The following COG4 variants were observed in gnomAD, a reference collection of about 807,000 sequenced individuals.
The protein encoded by COG4 is component of oligomeric golgi complex 4.
Under a neutral mutation model 95.1 loss-of-function variants are expected in COG4, and 65 were observed. That is an observed-to-expected ratio of 0.68 (90% CI 0.56 to 0.84). COG4 has a LOEUF of 0.84. Among genes scored for constraint, COG4 ranks in the 40% least tolerant of loss-of-function variants. The probability of loss-of-function intolerance (pLI) is 0.00; values close to 1 mark genes in which losing one functional copy is unlikely to be tolerated. For synonymous variants in COG4, 421 were observed against 374.8 expected, an observed-to-expected ratio of 1.12 and a Z score of -1.42; for missense variants, 1,045 against 989.1, an observed-to-expected ratio of 1.06 and a Z score of -0.76.
intron 12 of COG4, 89 bp from the exon 13 acceptor site, chr16:70,490,481 T>A: frequency 9.2e-7 from 1 of 1,085,506 alleles, no homozygotes; most frequent in Non-Finnish European, 1.4e-6. Context: ...CTGTGCTCCA[T>A]GAAGCTCAGA....
intron 10 of COG4, 96 bp from the exon 11 acceptor site, chr16:70,497,483 C>A: frequency 8.4e-7 from 1 of 1,184,828 alleles, no homozygotes; most frequent in South Asian, 1.2e-5. Flanking sequence ...GCTCCCTTTT[C>A]TGTACCTTGT....
At chr16:70,492,429 C>A (rs956807089) in intron 12 of COG4, among the ~76,000 whole-genome samples, 1 of 151,982 alleles carries the variant, frequency 6.6e-6, no homozygotes, top group South Asian at 2.1e-4. Context: ...GAGGCCGATG[C>A]GGGCAGATCA....
intron 9 of COG4, among the ~76,000 whole-genome samples, chr16:70,498,333 A>ATT (rs946488510): frequency 6.9e-6 from 1 of 145,458 alleles, no homozygotes; most frequent in Non-Finnish European, 1.5e-5. Flanking sequence ...ATTTTTAACT[A>ATT]TTTTTTTTTT....
At chr16:70,510,076 G>T in intron 5 of COG4, 55 bp from the exon 6 acceptor site, 1 of 1,432,716 alleles carries the variant, frequency 7.0e-7, no homozygotes, top group Non-Finnish European at 9.8e-7. Flanking sequence ...CTCATACCAG[G>T]TATATCTCAG....
In COG4 at chr16:70,481,073, C is replaced by T. The variant is rs202087905; in HGVS notation, c.2307G>A (p.Val769=). Residue 769 remains valine (V), a synonymous_variant, in exon 19 of 19, where the codon GTG becomes GTA. Transcript: ENST00000323786. ...PLTWRLTPAE[V]RQVLALRIDF... Reference sequence around the variant, plus strand: ...CTATCCGCAGGGCCAGCACCTGGCGCACTTCAGCAGGGGTGAGGCGCCACG... The same window carrying T: ...CTATCCGCAGGGCCAGCACCTGGCGTACTTCAGCAGGGGTGAGGCGCCACG... The T allele has an allele frequency of 3.7e-6, 6 of 1,613,204 alleles. No individual in the cohort carries two copies. Among genetic ancestry groups the T allele is most frequent in the Non-Finnish European group, 4.2e-6 (5 of 1,180,032 alleles).
chr16:70,484,011 G>A (rs1185772716), intron 13 of COG4, 42 bp from the exon 14 acceptor site: 3 of 1,433,666 alleles, frequency 2.1e-6, no homozygotes, highest in African/African-American at 2.8e-5. Context: ...GCACGCGTGG[G>A]CCATGGGAGT....
intron 12 of COG4, among the ~76,000 whole-genome samples, chr16:70,495,642 T>G (rs1347991025): frequency 6.6e-6 from 1 of 152,176 alleles, no homozygotes; most frequent in Non-Finnish European, 1.5e-5. Flanking sequence ...AGGCCTGATC[T>G]TGAGCTTAGG....
chr16:70,483,299 C>T, intron 14 of COG4, among the ~76,000 whole-genome samples: 2 of 126,588 alleles, frequency 1.6e-5, no homozygotes, highest in South Asian at 2.6e-4. Context: ...CCATCCTCCT[C>T]TCCTCTCCCC....
intron 4 of COG4, among the ~76,000 whole-genome samples, chr16:70,513,871 C>T (rs1009164801): frequency 6.6e-6 from 1 of 152,124 alleles, no homozygotes; most frequent in Non-Finnish European, 1.5e-5. Flanking sequence ...ACAAAGCCTG[C>T]CCCAGGATGG....
In COG4 at chr16:70,523,431, C is replaced by A; in HGVS notation, c.113G>T (p.Arg38Leu). The change falls in exon 1 of 19, where the codon CGC becomes CTC. Residue 38 changes from arginine to leucine, a missense_variant. Physicochemically the swap from Arg to Leu is moderately radical, Grantham distance 102. Coordinates refer to ENST00000323786, the MANE Select transcript of COG4 (RefSeq NM_015386.3). The part of the protein sequence containing the change: ...RCSEISAELI[R>L]SLTELQELEA... ...CAGCTCCTGCAGCTCTGTCAGGGAG[C>A]GAATGAGCTCAGCGGAGATTTCGGA... The A allele has an allele frequency of 6.2e-7, 1 of 1,614,026 alleles. No individual in the cohort carries two copies. Among genetic ancestry groups the A allele is most frequent in the Non-Finnish European group, 8.5e-7 (1 of 1,179,958 alleles).
At chr16:70,503,612 T>TTTTTTTTTTTGAAG in intron 8 of COG4, among the ~76,000 whole-genome samples, 1 of 107,156 alleles carries the variant, frequency 9.3e-6, no homozygotes, top group African/African-American at 8.6e-5. Flanking sequence ...TTTTTTTTTT[T>TTTTTTTTTTTGAAG]GAGACGGAGT....
rs74026056 is a variant in COG4 at position 70,490,313 on chromosome 16, G to C, written c.1710+17C>G. ...AAAAGATGGCTGCTGACCACTGATA[G>C]GCAATTTCCCTCGTACCTCCAGTGT... On this transcript the variant is annotated intron_variant, in intron 13 of 18. Transcript: ENST00000323786. The C allele has an allele frequency of 4.9e-3, 7,931 of 1,607,314 alleles. 366 individuals are homozygous for C. The African/African-American group carries it at 0.094, about 19-fold the overall frequency.
intron 8 of COG4, among the ~76,000 whole-genome samples, chr16:70,505,581 C>T (rs1260168886): frequency 6.6e-6 from 1 of 151,168 alleles, no homozygotes; most frequent in Admixed American, 6.6e-5. Flanking sequence ...GTAATCCCAG[C>T]ACTTTGGGAG....
intron 1 of COG4, among the ~76,000 whole-genome samples, chr16:70,521,442 G>A (rs879623458): frequency 2.4e-4 from 36 of 151,840 alleles, no homozygotes; most frequent in Non-Finnish European, 2.8e-4. Context: ...GGTTGGTCTC[G>A]AACTCCTGAC....
intron 13 of COG4, among the ~76,000 whole-genome samples, chr16:70,486,557 G>C (rs968085679): frequency 6.6e-6 from 1 of 152,198 alleles, no homozygotes; most frequent in Non-Finnish European, 1.5e-5. Flanking sequence ...TGGGATTTAC[G>C]GGAATAGGTT....
chr16:70,496,494 C>T (rs2049342880), intron 11 of COG4, 63 bp from the exon 12 acceptor site: 3 of 1,507,960 alleles, frequency 2.0e-6, no homozygotes, highest in African/African-American at 2.8e-5. Context: ...GACAGAAGGG[C>T]CAGTCTTCAC....
chr16:70,511,647 T>C (rs1053329115), intron 5 of COG4, among the ~76,000 whole-genome samples: 2 of 151,406 alleles, frequency 1.3e-5, no homozygotes, highest in African/African-American at 4.9e-5. Flanking sequence ...TTAAGAGTGA[T>C]TCAGACTGGG....
rs751453798 is a variant in COG4, at chr16:70,514,324, C to T, written c.544+11G>A. 2.5e-5 allele frequency: 40 copies of T among 1,613,800 alleles called. No homozygotes were observed. Among genetic ancestry groups the T allele is most frequent in the African/African-American group, 6.7e-5 (5 of 74,928 alleles). ...TAACTAAACTAAAAACCAACAGTTT[C>T]GGATGCTGACCCTCTTTGCCCTGTC... On this transcript the variant is annotated intron_variant, in intron 4 of 18. Transcript: ENST00000323786.
In COG4 at chr16:70,483,280, C is replaced by T. The variant is rs542707036; in HGVS notation, c.1828-459G>A. ...TCTCCCCATCCCTTCCTTCTCTCCT[C>T]TCCCCACCCCATCCTCCTCTCCTCT... On this transcript the variant is annotated intron_variant, in intron 14 of 18. Transcript: ENST00000323786. Among the ~76,000 whole-genome samples, 3 of 121,840 alleles carry T rather than the reference C, an allele frequency of 2.5e-5. No individual in the cohort carries two copies. The South Asian group carries it at 8.8e-4, about 36-fold the overall frequency. The allele number at this position is 121,840 out of a possible 152,430, so 79.9% of individuals were successfully genotyped here. A position where few individuals can be genotyped will look rare whatever the true frequency, so the allele number is the denominator to read the frequency against.
Sources: gnomAD v4.1 joint callset for allele counts (sites outside exome capture counted in the v4.1 genomes callset) on GRCh38, gnomAD v4.1.1 for gene constraint, MANE v1.5 for transcripts, NCBI Gene and HGNC (gene_info 2026-07-23, HGNC 2026-07-21) for gene names.